Variants in CCNT2 observed in about 807,000 individuals in gnomAD.
CCNT2 encodes the protein cyclin T2, also known as cyclin-T2.
CCNT2 carries 18 observed loss-of-function variants against 70.0 expected under a neutral mutation model. The ratio of observed to expected loss-of-function variants is 0.26; its 90% CI spans 0.18 to 0.38. CCNT2 has a LOEUF of 0.38. Ranked by LOEUF, CCNT2 falls within the 10% of genes least tolerant of loss-of-function variation. CCNT2 has a pLI of 1.00. For synonymous variants in CCNT2, 334 were observed against 313.3 expected, an observed-to-expected ratio of 1.07 and a Z score of -0.70; for missense variants, 734 against 890.2, an observed-to-expected ratio of 0.82 and a Z score of 2.23.
chr2:134,929,299 TGCAC>T (rs1338075870), intron 2 of CCNT2, among the ~76,000 whole-genome samples: 1 of 152,080 alleles, frequency 6.6e-6, no homozygotes, highest in Non-Finnish European at 1.5e-5. Flanking sequence ...TGTTAGTGCA[TGCAC>T]ACTACATCTA....
At chr2:134,945,567 T>C in intron 5 of CCNT2, 1 of 985,436 alleles carries the variant, frequency 1.0e-6, no homozygotes, top group Middle Eastern at 5.2e-4. Context: ...GTATGCTGTT[T>C]CTAGGTTTAT....
chr2:134,944,857 T>C, intron 5 of CCNT2: 1 of 985,264 alleles, frequency 1.0e-6, no homozygotes, highest in Non-Finnish European at 1.2e-6. Context: ...GATACATGCC[T>C]AGGTGAAAAC....
At chr2:134,933,801 A>T (rs1303930065) in intron 2 of CCNT2, among the ~76,000 whole-genome samples, 1 of 152,154 alleles carries the variant, frequency 6.6e-6, no homozygotes, top group Non-Finnish European at 1.5e-5. Flanking sequence ...TAATAATAAT[A>T]TTTGAGTCAT....
rs1679617131 is a variant in CCNT2 at position 134,919,021 on chromosome 2, T to C, written c.158+9T>C. On this transcript the variant is annotated intron_variant, in intron 1 of 8. Coordinates refer to ENST00000264157, the MANE Select transcript of CCNT2 (RefSeq NM_058241.3). The stretch of plus-strand genomic sequence containing the variant: ...GGACAGCGTCTCAATGTGTATCCTT[T>C]TCTGTTCGCCGCCGCTCACGCCCTG... 1.3e-6 allele frequency: 2 copies of C among 1,592,310 alleles called. No homozygotes were observed.
intron 2 of CCNT2, among the ~76,000 whole-genome samples, chr2:134,924,103 A>G (rs933327268): frequency 1.3e-5 from 2 of 152,110 alleles, no homozygotes; most frequent in Admixed American, 1.3e-4. Flanking sequence ...GTCAGGTTTT[A>G]AGACTCAGCT....
At chr2:134,942,252 G>T (rs1441398330) in intron 4 of CCNT2, among the ~76,000 whole-genome samples, 1 of 151,838 alleles carries the variant, frequency 6.6e-6, no homozygotes, top group African/African-American at 2.4e-5. Flanking sequence ...TCTTCTGAAA[G>T]AAAGCTTTGG....
intron 5 of CCNT2, chr2:134,943,986 A>G (rs187856096): frequency 6.2e-6 from 6 of 967,430 alleles, no homozygotes; most frequent in Non-Finnish European, 7.4e-6. Context: ...TTTTATACCT[A>G]GTGATTTATT....
intron 2 of CCNT2, among the ~76,000 whole-genome samples, chr2:134,923,086 G>C (rs1224493403): frequency 6.6e-6 from 1 of 152,072 alleles, no homozygotes; most frequent in Non-Finnish European, 1.5e-5. Flanking sequence ...TTCAAGACCA[G>C]CCTGGCCAAT....
At chr2:134,947,358 A>G (rs1682059047) in intron 6 of CCNT2, among the ~76,000 whole-genome samples, 1 of 152,202 alleles carries the variant, frequency 6.6e-6, no homozygotes, top group Non-Finnish European at 1.5e-5. Context: ...TTATCTTTCC[A>G]TTTACATATT....
chr2:134,946,310 T>G, intron 6 of CCNT2, 164 bp downstream of exon 6: 1 of 1,195,838 alleles, frequency 8.4e-7, no homozygotes. Context: ...ACAAGGGACT[T>G]TGGGCACAGA....
In CCNT2 at chr2:134,954,900, T is replaced by C. The variant is rs1448070950; in HGVS notation, c.*252T>C. The C allele has an allele frequency of 2.0e-5, 8 of 392,994 alleles. No individual in the cohort carries two copies. Among genetic ancestry groups the C allele is most frequent in the African/African-American group, 4.0e-5 (2 of 49,954 alleles). The allele number at this position is 392,994 out of a possible 1,614,324, so 24.3% of individuals were successfully genotyped here. A position where few individuals can be genotyped will look rare whatever the true frequency, so the allele number is the denominator to read the frequency against. On this transcript the variant is annotated 3_prime_UTR_variant, in exon 9 of 9. Coordinates refer to ENST00000264157, the MANE Select transcript of CCNT2 (RefSeq NM_058241.3). The stretch of plus-strand genomic sequence containing the variant: ...AACTCAGTATTTCTACAATTGCAGC[T>C]AAGAACATTAGGATGAATGGCTGGC...
At position 134,921,231 on chromosome 2, in the gene CCNT2, C is replaced by G. The variant is rs144452593; in HGVS notation, c.240+1340C>G. Among the ~76,000 whole-genome samples the G allele has an allele frequency of 1.6e-3, 246 of 152,314 alleles. 7 individuals are homozygous for G. The East Asian group carries it at 0.045, about 28-fold the overall frequency. ...CCCTGGATAATAATGGTAGAAATTACAAATCAAAATAGTTCTGACTATTCT... is the reference window on the plus strand; with the variant it reads ...CCCTGGATAATAATGGTAGAAATTAGAAATCAAAATAGTTCTGACTATTCT... On this transcript the variant is annotated intron_variant, in intron 2 of 8. Coordinates refer to ENST00000264157, the MANE Select transcript of CCNT2 (RefSeq NM_058241.3).
intron 6 of CCNT2, among the ~76,000 whole-genome samples, chr2:134,946,822 A>G (rs925269870): frequency 2.6e-5 from 4 of 152,070 alleles, no homozygotes; most frequent in African/African-American, 9.7e-5. Flanking sequence ...CCTTTAATAT[A>G]TAATTCTGTT....
Position 134,953,319 on chromosome 2 carries a change from A to G in CCNT2, c.864A>G (p.Leu288=). ...LGSSLVQNSI[L]VDSVTGVPTN... is the part of the protein sequence containing the mutation. ...CATCTTTGGTCCAGAATTCCATTTT[A>G]GTAGATAGTGTCACTGGTGTGCCTA... is the stretch of plus-strand genomic sequence containing the variant. Residue 288 remains leucine, a synonymous_variant, in exon 9 of 9, where the codon TTA becomes TTG. Transcript: ENST00000264157. 1 of 1,612,480 alleles carries G rather than the reference A, an allele frequency of 6.2e-7. No individual in the cohort carries two copies. The highest frequency in any genetic ancestry group is 8.5e-7 in the Non-Finnish European group (1 of 1,178,942).
intron 4 of CCNT2, among the ~76,000 whole-genome samples, chr2:134,942,206 C>G (rs978749890): frequency 4.6e-5 from 7 of 150,810 alleles, no homozygotes; most frequent in African/African-American, 1.5e-4. Context: ...CCACTGTGGC[C>G]CAACAGTTAT....
In CCNT2 at chr2:134,958,270, A is replaced by G. The variant is rs1408967588; in HGVS notation, c.*3622A>G. On this transcript the variant is annotated 3_prime_UTR_variant, in exon 9 of 9. Transcript: ENST00000264157. ...TTCCAATTTTATCCAAATGAAAAGC[A>G]TATCTGCTTAAATTTAGGATGTCTT... 6.6e-6 allele frequency: 1 copy of G among 152,226 alleles called. No individual in the cohort carries two copies. Among genetic ancestry groups the G allele is most frequent in the African/African-American group, 2.4e-5 (1 of 41,458 alleles). 9.4% of individuals were successfully genotyped at this position (152,226 alleles called of 1,614,324 possible).
rs542221876 is a variant in CCNT2 at position 134,928,587 on chromosome 2, A to G, written c.241-8254A>G. On this transcript the variant is annotated intron_variant, in intron 2 of 8. Transcript: ENST00000264157. ...GCCACCGTGCCCAGCCTATATTTCT[A>G]TTTGACAGTGACGGTGTGGGCTATA... is the stretch of plus-strand genomic sequence containing the variant. Among the ~76,000 whole-genome samples, 35 of 152,184 alleles carry G rather than the reference A, an allele frequency of 2.3e-4. No individual in the cohort carries two copies. The South Asian group carries it at 3.1e-3, about 14-fold the overall frequency.
chr2:134,945,820 A>G, intron 5 of CCNT2: 2 of 1,431,740 alleles, frequency 1.4e-6, no homozygotes, highest in South Asian at 1.2e-5. Context: ...AGCTGACTAG[A>G]TGCTTAACTT....
At chr2:134,933,846 A>G (rs1040631030) in intron 2 of CCNT2, among the ~76,000 whole-genome samples, 6 of 152,224 alleles carry the variant, frequency 3.9e-5, no homozygotes, top group African/African-American at 1.4e-4. Flanking sequence ...TCCTGTGTAT[A>G]TTGGTTCATT....
Sources: gnomAD v4.1 joint callset for allele counts (sites outside exome capture counted in the v4.1 genomes callset) on GRCh38, gnomAD v4.1.1 for gene constraint, MANE v1.5 for transcripts, NCBI Gene and HGNC (gene_info 2026-07-23, HGNC 2026-07-21) for gene names.